Variants in MAD1L1 observed in about 807,000 individuals in gnomAD.
The protein encoded by MAD1L1 is mitotic arrest deficient 1 like 1.
In MAD1L1, 95 loss-of-function variants were observed where a neutral mutation model predicts 96.9. The ratio of observed to expected loss-of-function variants is 0.98; its 90% CI spans 0.83 to 1.16. MAD1L1 has a LOEUF of 1.16. MAD1L1 is among the 50% of genes most tolerant of loss of function. The pLI is 0.00. For synonymous variants in MAD1L1, 473 were observed against 396.6 expected (o/e 1.19, Z -2.29); for missense variants, 1,007 against 954.4 (o/e 1.06, Z -0.73).
At chr7:2,228,155 G>A (rs981564148) in intron 3 of MAD1L1, among the ~76,000 whole-genome samples, 7 of 151,936 alleles carry the variant, frequency 4.6e-5, no homozygotes, top group East Asian at 1.9e-4. Context: ...TCCCCTCACC[G>A]AGAGGCCTTT....
intron 18 of MAD1L1, among the ~76,000 whole-genome samples, chr7:1,828,101 T>TA (rs1348959633): frequency 6.6e-6 from 1 of 151,824 alleles, no homozygotes; most frequent in African/African-American, 2.4e-5. Flanking sequence ...TTCCTGAATG[T>TA]AAAATGGAGA....
intron 16 of MAD1L1, among the ~76,000 whole-genome samples, chr7:1,945,168 G>A (rs950353573): frequency 1.7e-4 from 26 of 152,328 alleles, no homozygotes; most frequent in African/African-American, 6.0e-4. Context: ...AGCAGAGGCC[G>A]GCTGCCAAGG....
At chr7:2,116,657 C>T (rs1316632731) in intron 11 of MAD1L1, among the ~76,000 whole-genome samples, 1 of 150,720 alleles carries the variant, frequency 6.6e-6, no homozygotes, top group African/African-American at 2.4e-5. Context: ...CATACTGTTG[C>T]AGGGGGCCCA....
intron 17 of MAD1L1, among the ~76,000 whole-genome samples, chr7:1,899,584 G>A (rs978838332): frequency 2.0e-5 from 3 of 152,214 alleles, no homozygotes; most frequent in African/African-American, 7.2e-5. Flanking sequence ...TGGTTGGAGA[G>A]AACAAGGGTT....
chr7:1,877,299 G>A (rs555212991), intron 18 of MAD1L1, among the ~76,000 whole-genome samples: 149 of 152,110 alleles, frequency 9.8e-4, no homozygotes, highest in African/African-American at 3.4e-3. Flanking sequence ...AACAGCAGAG[G>A]TGTGACACAG....
intron 18 of MAD1L1, among the ~76,000 whole-genome samples, chr7:1,868,145 G>A (rs1017838334): frequency 2.6e-5 from 4 of 152,152 alleles, no homozygotes; most frequent in African/African-American, 9.7e-5. Context: ...GTGCACTGTG[G>A]CCCCCCAGAC....
rs117331420 is a variant in MAD1L1, at chr7:2,041,576, T to C, written c.1219-26934A>G. Among the ~76,000 whole-genome samples, 406 of 152,374 alleles carry C rather than the reference T, an allele frequency of 2.7e-3. 3 individuals are homozygous for C. Among genetic ancestry groups the C allele is most frequent in the Middle Eastern group, 3.4e-3 (1 of 294 alleles). On this transcript the variant is annotated intron_variant, in intron 12 of 18. Transcript: ENST00000265854. ...CACAAACCTGAAAGGAGCTCAGCTC[T>C]GTCCCCTGCTGTCAGCAGCGACTGA...
chr7:1,882,408 T>C (rs545839254), intron 18 of MAD1L1, among the ~76,000 whole-genome samples: 125 of 151,966 alleles, frequency 8.2e-4, no homozygotes, highest in Non-Finnish European at 1.6e-3. Context: ...GTAGACCTCA[T>C]TGCTCCAGCG....
At chr7:2,007,720 G>C (rs559593520) in intron 13 of MAD1L1, among the ~76,000 whole-genome samples, 1 of 152,166 alleles carries the variant, frequency 6.6e-6, no homozygotes, top group African/African-American at 2.4e-5. Context: ...TCCTACTCCT[G>C]GATGTAGAGC....
intron 17 of MAD1L1, among the ~76,000 whole-genome samples, chr7:1,904,312 A>T (rs1168593520): frequency 2.1e-5 from 3 of 145,028 alleles, no homozygotes; most frequent in African/African-American, 5.4e-5. Context: ...CTCTTGCGGA[A>T]CTCATGATTG....
chr7:2,130,311 G>A (rs1788451582), intron 11 of MAD1L1, among the ~76,000 whole-genome samples: 1 of 152,152 alleles, frequency 6.6e-6, no homozygotes, highest in Non-Finnish European at 1.5e-5. Flanking sequence ...TGGACACACA[G>A]CACCTCGAGG....
At chr7:2,176,833 A>T (rs1048080810) in intron 10 of MAD1L1, among the ~76,000 whole-genome samples, 3 of 152,250 alleles carry the variant, frequency 2.0e-5, no homozygotes, top group Admixed American at 6.5e-5. Flanking sequence ...AATTCTACTC[A>T]AATTATCATC....
chr7:1,981,207 T>C (rs770365152), intron 14 of MAD1L1, among the ~76,000 whole-genome samples: 1 of 152,156 alleles, frequency 6.6e-6, no homozygotes, highest in Non-Finnish European at 1.5e-5. Context: ...CCTCGGGTGA[T>C]TCACCCGCCT....
chr7:1,880,519 C>T (rs1173970151), intron 18 of MAD1L1, among the ~76,000 whole-genome samples: 2 of 152,178 alleles, frequency 1.3e-5, no homozygotes, highest in Non-Finnish European at 2.9e-5. Flanking sequence ...CTCCTTGAGC[C>T]TCCTGGCCTT....
chr7:1,862,703 C>T (rs1283651788), intron 18 of MAD1L1, among the ~76,000 whole-genome samples: 1 of 152,212 alleles, frequency 6.6e-6, no homozygotes, highest in Non-Finnish European at 1.5e-5. Flanking sequence ...TTTCTTTAAC[C>T]CAACTTTCCT....
At chr7:2,172,915 G>GA (rs1790777789) in intron 10 of MAD1L1, among the ~76,000 whole-genome samples, 1 of 152,258 alleles carries the variant, frequency 6.6e-6, no homozygotes, top group South Asian at 2.1e-4. Context: ...GCGCACAGAA[G>GA]ACCCCAGACG....
chr7:2,177,617 T>C, intron 10 of MAD1L1, among the ~76,000 whole-genome samples: 1 of 152,352 alleles, frequency 6.6e-6, no homozygotes, highest in Non-Finnish European at 1.5e-5. Context: ...CCCAATTTCC[T>C]CATTAGTTGC....
At chr7:2,160,490 G>A (rs1790052266) in intron 10 of MAD1L1, among the ~76,000 whole-genome samples, 1 of 151,764 alleles carries the variant, frequency 6.6e-6, no homozygotes, top group Non-Finnish European at 1.5e-5. Context: ...CCACCACCAT[G>A]CCCAGCTAAT....
chr7:2,199,468 G>A (rs76315873), intron 10 of MAD1L1, among the ~76,000 whole-genome samples: 89 of 152,348 alleles, frequency 5.8e-4, no homozygotes, highest in Middle Eastern at 3.4e-3. Flanking sequence ...TGCCCTGCAC[G>A]CGGCAAACCG....
Sources: gnomAD v4.1 joint callset for allele counts (sites outside exome capture counted in the v4.1 genomes callset) on GRCh38, gnomAD v4.1.1 for gene constraint, MANE v1.5 for transcripts, NCBI Gene and HGNC (gene_info 2026-07-23, HGNC 2026-07-21) for gene names.